The following PPARGC1A variants were observed in gnomAD, a reference collection of about 807,000 sequenced individuals.
PPARGC1A encodes peroxisome proliferator-activated receptor gamma coactivator 1-alpha.
A neutral mutation model predicts 88.7 loss-of-function variants in PPARGC1A; 25 were observed. That is an observed-to-expected ratio of 0.28 (90% CI 0.21 to 0.39). The LOEUF is 0.39. Among genes scored for constraint, PPARGC1A ranks in the 10% least tolerant of loss-of-function variants. PPARGC1A has a pLI of 1.00. For missense variants in PPARGC1A, 880 were observed against 968.7 expected (o/e 0.91, Z 1.22); for synonymous variants, 363 against 355.6 (o/e 1.02, Z -0.24).
chr4:24,154,494 C>T, the PPARGC1A span, among the ~76,000 whole-genome samples: 2 of 152,184 alleles, frequency 1.3e-5, no homozygotes, highest in Non-Finnish European at 2.9e-5. Flanking sequence ...TGGAAAGAGC[C>T]TTGTGTAAGC....
the PPARGC1A span, among the ~76,000 whole-genome samples, chr4:24,137,028 C>T: frequency 1.6e-4 from 24 of 150,928 alleles, no homozygotes; most frequent in Middle Eastern, 3.4e-3. Context: ...GCAGGAGAAT[C>T]GCTTAAACCT....
chr4:24,311,790 G>C, the PPARGC1A span, among the ~76,000 whole-genome samples: 1 of 152,022 alleles, frequency 6.6e-6, no homozygotes. Context: ...ATTTAACAGA[G>C]TCTCGGTGCC....
At chr4:24,300,777 G>A in the PPARGC1A span, among the ~76,000 whole-genome samples, 1 of 152,078 alleles carries the variant, frequency 6.6e-6, no homozygotes, top group Admixed American at 6.6e-5. Flanking sequence ...TCTGGCCAAT[G>A]AAATGCAAGC....
chr4:23,948,635 T>C, the PPARGC1A span, among the ~76,000 whole-genome samples: 1 of 152,144 alleles, frequency 6.6e-6, no homozygotes, highest in Non-Finnish European at 1.5e-5. Context: ...CTCATTGTCC[T>C]TGCCTAGGGA....
the PPARGC1A span, among the ~76,000 whole-genome samples, chr4:24,033,819 G>A: frequency 1.3e-5 from 2 of 152,184 alleles, no homozygotes; most frequent in African/African-American, 4.8e-5. Flanking sequence ...CAAATGGCTG[G>A]AAGAGAGGCG....
the PPARGC1A span, among the ~76,000 whole-genome samples, chr4:24,307,939 T>G: frequency 5.3e-5 from 8 of 152,180 alleles, no homozygotes; most frequent in Non-Finnish European, 8.8e-5. Flanking sequence ...CCTAAACTCC[T>G]GCCTTTCCCA....
chr4:24,294,104 T>A, the PPARGC1A span, among the ~76,000 whole-genome samples: 1 of 152,138 alleles, frequency 6.6e-6, no homozygotes, highest in Non-Finnish European at 1.5e-5. Flanking sequence ...ACTGGCTCCA[T>A]CCCAAGTCGA....
At chr4:23,882,533 GT>G (rs1270967801) in intron 2 of PPARGC1A, 1 of 152,054 alleles carries the variant, frequency 6.6e-6, no homozygotes. Context: ...GCATCCCCTT[GT>G]CCCCAGGGAT....
At chr4:24,400,426 G>A in the PPARGC1A span, among the ~76,000 whole-genome samples, 59 of 152,286 alleles carry the variant, frequency 3.9e-4, no homozygotes, top group South Asian at 0.011. Flanking sequence ...TGGACTCCAG[G>A]TTCTTCAGTT....
chr4:23,874,430 T>G lies in PPARGC1A; in HGVS notation c.234+10322A>C, dbSNP rs535530474. ...GTCTGCATGGCAGCTGACACTGGTT[T>G]GTATTTAGATATGTGACTCTTGGGA... On this transcript the variant is annotated intron_variant, in intron 2 of 12. Transcript: ENST00000264867. Among the ~76,000 whole-genome samples, 27 of 152,336 alleles carry G rather than the reference T, an allele frequency of 1.8e-4. No individual in the cohort carries two copies. The South Asian group carries it at 2.3e-3, about 13-fold the overall frequency.
the PPARGC1A span, among the ~76,000 whole-genome samples, chr4:24,265,297 C>A: frequency 6.6e-6 from 1 of 152,204 alleles, no homozygotes; most frequent in Non-Finnish European, 1.5e-5. Flanking sequence ...AAGGCAACTT[C>A]TCCTTCTTTT....
At chr4:24,011,923 C>T in the PPARGC1A span, among the ~76,000 whole-genome samples, 5 of 152,186 alleles carry the variant, frequency 3.3e-5, no homozygotes, top group East Asian at 7.7e-4. Context: ...TAATAACAAG[C>T]GTTATAATTT....
chr4:23,811,718 A>G (rs911117028), intron 10 of PPARGC1A, among the ~76,000 whole-genome samples: 8 of 152,004 alleles, frequency 5.3e-5, no homozygotes, highest in African/African-American at 1.9e-4. Context: ...CAAATATAAC[A>G]TAACGTGGAT....
intron 2 of PPARGC1A, among the ~76,000 whole-genome samples, chr4:23,874,079 A>G (rs1264209634): frequency 2.2e-5 from 3 of 138,908 alleles, no homozygotes; most frequent in Admixed American, 6.8e-5. Flanking sequence ...ATTCTGGGGG[A>G]AAAAATGTTA....
At chr4:23,979,095 A>C in the PPARGC1A span, among the ~76,000 whole-genome samples, 1 of 152,328 alleles carries the variant, frequency 6.6e-6, no homozygotes, top group African/African-American at 2.4e-5. Flanking sequence ...GGATAATTTC[A>C]TGTATAAAAA....
At chr4:23,998,801 G>GTCAATAGC in the PPARGC1A span, among the ~76,000 whole-genome samples, 1 of 152,206 alleles carries the variant, frequency 6.6e-6, no homozygotes. Flanking sequence ...AACTTGAAGA[G>GTCAATAGC]TCAATAGCTC....
the PPARGC1A span, among the ~76,000 whole-genome samples, chr4:24,081,894 G>C: frequency 6.6e-6 from 1 of 152,012 alleles, no homozygotes; most frequent in Non-Finnish European, 1.5e-5. Flanking sequence ...TGTCAGCTCT[G>C]GGTCTATTCA....
chr4:24,409,312 A>G, the PPARGC1A span, among the ~76,000 whole-genome samples: 4 of 152,226 alleles, frequency 2.6e-5, no homozygotes, highest in African/African-American at 9.6e-5. Context: ...AGAAGACAGT[A>G]AATGGAGTTA....
At chr4:24,414,024 G>A in the PPARGC1A span, among the ~76,000 whole-genome samples, 308 of 152,208 alleles carry the variant, frequency 2.0e-3, no homozygotes, top group African/African-American at 7.2e-3. Flanking sequence ...CACGGTTGTC[G>A]GTCTCCAAAG....
Sources: gnomAD v4.1 joint callset for allele counts (sites outside exome capture counted in the v4.1 genomes callset) on GRCh38, gnomAD v4.1.1 for gene constraint, MANE v1.5 for transcripts, NCBI Gene and HGNC (gene_info 2026-07-23, HGNC 2026-07-21) for gene names.